Variants in ZBTB20 observed in about 807,000 individuals in gnomAD.
ZBTB20 encodes zinc finger and BTB domain containing 20.
ZBTB20 carries 9 observed loss-of-function variants against 56.9 expected under a neutral mutation model. That is an observed-to-expected ratio of 0.16 (90% CI 0.10 to 0.28). The LOEUF (loss-of-function observed/expected upper bound fraction) is 0.28. ZBTB20 is among the 10% of genes least tolerant of loss of function. The probability of loss-of-function intolerance (pLI) is 1.00; values close to 1 mark genes in which losing one functional copy is unlikely to be tolerated. For missense variants in ZBTB20, 655 were observed against 1,003.0 expected (o/e 0.65, Z 4.69); for synonymous variants, 417 against 420.7 (o/e 0.99, Z 0.11).
intron 7 of ZBTB20, among the ~76,000 whole-genome samples, chr3:114,441,907 AC>A (rs2090957859): frequency 6.6e-6 from 1 of 152,128 alleles, no homozygotes; most frequent in South Asian, 2.1e-4. Context: ...AACAAAAAAA[AC>A]CACCAACAAA....
chr3:114,351,013 C>G lies in ZBTB20; in HGVS notation c.1065G>C (p.Glu355Asp). Residue 355 changes from glutamate to aspartate, a missense_variant, in exon 11 of 12, where the codon GAG becomes GAC. Glu to Asp is a conservative substitution (Grantham distance 45). Transcript: ENST00000675478. Reference protein sequence around the residue: ...VQILERNESEECTEDTDQAEG... With the variant: ...VQILERNESEDCTEDTDQAEG... ...CGGCCTGGTCTGTGTCTTCCGTGCA[C>G]TCCTCGGATTCGTTGCGTTCCAGGA... The G allele has an allele frequency of 3.1e-6, 5 of 1,611,382 alleles. No individual in the cohort carries two copies. The highest frequency in any genetic ancestry group is 1.1e-5 in the South Asian group (1 of 91,028).
chr3:114,505,632 GATA>G (rs1463309999), intron 6 of ZBTB20, among the ~76,000 whole-genome samples: 2 of 152,144 alleles, frequency 1.3e-5, no homozygotes, highest in African/African-American at 4.8e-5. Context: ...TATCGGTAGA[GATA>G]ATGTTTTAAC....
chr3:114,844,544 A>AAAAAAAAAAAAAAC (rs1560313358), intron 4 of ZBTB20, among the ~76,000 whole-genome samples: 1 of 140,602 alleles, frequency 7.1e-6, no homozygotes, highest in African/African-American at 2.7e-5. Context: ...AAAAAAAAAA[A>AAAAAAAAAAAAAAC]AAAAAAAACT....
chr3:114,977,403 G>T (rs1467547288), intron 2 of ZBTB20, among the ~76,000 whole-genome samples: 1 of 152,178 alleles, frequency 6.6e-6, no homozygotes, highest in Admixed American at 6.5e-5. Context: ...TCAAGCATTA[G>T]GTTTGAGTCC....
chr3:114,970,282 C>T (rs1317295915), intron 3 of ZBTB20, among the ~76,000 whole-genome samples: 2 of 152,154 alleles, frequency 1.3e-5, no homozygotes, highest in African/African-American at 4.8e-5. Context: ...AGTGGTACTA[C>T]AATGAGTAAT....
chr3:114,880,659 T>C (rs772518451), intron 4 of ZBTB20, among the ~76,000 whole-genome samples: 3 of 151,992 alleles, frequency 2.0e-5, no homozygotes, highest in Non-Finnish European at 2.9e-5. Flanking sequence ...TGGAGAAAAA[T>C]TGGAAGCAAC....
At chr3:115,045,552 C>T (rs1443416103) in intron 2 of ZBTB20, among the ~76,000 whole-genome samples, 1 of 151,254 alleles carries the variant, frequency 6.6e-6, no homozygotes, top group South Asian at 2.1e-4. Flanking sequence ...TGACCTTAAG[C>T]CTCCTTAAAG....
intron 4 of ZBTB20, among the ~76,000 whole-genome samples, chr3:114,886,865 A>T (rs1485061253): frequency 6.6e-6 from 1 of 152,222 alleles, no homozygotes; most frequent in Non-Finnish European, 1.5e-5. Flanking sequence ...AATAATTAAC[A>T]TGTTAGCATA....
chr3:115,127,318 G>C (rs2084361607), intron 1 of ZBTB20, among the ~76,000 whole-genome samples: 1 of 152,200 alleles, frequency 6.6e-6, no homozygotes, highest in Admixed American at 6.5e-5. Flanking sequence ...GTTCAGGTGT[G>C]GTAGCTCACA....
chr3:114,996,261 G>C (rs2079022611), intron 2 of ZBTB20, among the ~76,000 whole-genome samples: 1 of 151,634 alleles, frequency 6.6e-6, no homozygotes, highest in African/African-American at 2.4e-5. Flanking sequence ...AGAACATGCA[G>C]GTTTGTTACA....
chr3:115,095,229 A>C (rs1221262920), intron 1 of ZBTB20, among the ~76,000 whole-genome samples: 1 of 152,186 alleles, frequency 6.6e-6, no homozygotes, highest in East Asian at 1.9e-4. Flanking sequence ...AAACTAGATG[A>C]ATCAATGAAC....
chr3:114,726,370 AGTTTCTGGT>A (rs2065281624), intron 5 of ZBTB20, among the ~76,000 whole-genome samples: 1 of 152,206 alleles, frequency 6.6e-6, no homozygotes, highest in South Asian at 2.1e-4. Context: ...AATCACTTGT[AGTTTCTGGT>A]AGAATTTTTA....
At chr3:114,666,884 C>A (rs2061086587) in intron 6 of ZBTB20, among the ~76,000 whole-genome samples, 1 of 151,960 alleles carries the variant, frequency 6.6e-6, no homozygotes. Flanking sequence ...TGCAAAGAGT[C>A]ATACCACCAG....
chr3:114,974,353 C>T lies in ZBTB20; in HGVS notation c.-456+13G>A, dbSNP rs1447324849. 2 of 151,834 alleles carry T rather than the reference C, an allele frequency of 1.3e-5. No individual in the cohort carries two copies. Among genetic ancestry groups the T allele is most frequent in the African/African-American group, 4.8e-5 (2 of 41,330 alleles). The allele number at this position is 151,834 out of a possible 1,614,324, so 9.4% of individuals were successfully genotyped here. ...AGATAAAGCCCATTCAGGAAAATAC[C>T]ACTGGACATTACCTTCAGCCTTCAG... is the stretch of plus-strand genomic sequence containing the variant. On this transcript the variant is annotated intron_variant, in intron 3 of 11. Coordinates refer to ENST00000675478, the MANE Select transcript of ZBTB20 (RefSeq NM_001348800.3).
chr3:114,405,042 G>A (rs1236635446), intron 7 of ZBTB20, among the ~76,000 whole-genome samples: 2 of 151,838 alleles, frequency 1.3e-5, no homozygotes, highest in East Asian at 3.9e-4. Flanking sequence ...AGCACTCAGA[G>A]AATACCAGAG....
intron 5 of ZBTB20, among the ~76,000 whole-genome samples, chr3:114,770,456 A>G (rs1188927926): frequency 6.6e-6 from 1 of 152,090 alleles, no homozygotes; most frequent in Non-Finnish European, 1.5e-5. Context: ...TCTTAAAAAA[A>G]AAAAAAGGAA....
intron 5 of ZBTB20, among the ~76,000 whole-genome samples, chr3:114,748,334 C>CTTTCTTCT (rs762103705): frequency 0.013 from 732 of 57,086 alleles, 7 homozygotes; most frequent in Admixed American, 0.016. Flanking sequence ...TTCTTTCTTT[C>CTTTCTTCT]TTCTTTCTTT....
intron 4 of ZBTB20, 22 bp from the exon 5 acceptor site, chr3:114,801,196 T>A (rs1480836540): frequency 6.6e-6 from 1 of 152,008 alleles, no homozygotes; most frequent in East Asian, 1.9e-4. Context: ...CAGGTTAAAA[T>A]CTCTTTCAGT....
At chr3:115,005,995 G>C (rs1418793602) in intron 2 of ZBTB20, among the ~76,000 whole-genome samples, 1 of 145,798 alleles carries the variant, frequency 6.9e-6, no homozygotes, top group African/African-American at 2.5e-5. Flanking sequence ...CCTAGACATT[G>C]CCAAATGTTT....
Sources: gnomAD v4.1 joint callset for allele counts (sites outside exome capture counted in the v4.1 genomes callset) on GRCh38, gnomAD v4.1.1 for gene constraint, MANE v1.5 for transcripts, NCBI Gene and HGNC (gene_info 2026-07-23, HGNC 2026-07-21) for gene names.